The following CCDC63 variants were observed in gnomAD, a reference collection of about 807,000 sequenced individuals.
The protein encoded by CCDC63 is coiled-coil domain containing 63.
Under a neutral mutation model 63.6 loss-of-function variants are expected in CCDC63, and 54 were observed. The observed-to-expected ratio is 0.85, with a 90% CI of 0.68 to 1.07. CCDC63 has a LOEUF of 1.07. CCDC63 is among the 50% of genes least tolerant of loss of function. The pLI is 0.00. For synonymous variants in CCDC63, 253 were observed against 266.1 expected, an observed-to-expected ratio of 0.95 and a Z score of 0.48; for missense variants, 637 against 689.6, an observed-to-expected ratio of 0.92 and a Z score of 0.86.
intron 10 of CCDC63, among the ~76,000 whole-genome samples, chr12:110,902,483 C>T (rs2071500789): frequency 6.6e-6 from 1 of 152,132 alleles, no homozygotes; most frequent in African/African-American, 2.4e-5. Context: ...GTCCCATGCC[C>T]AGTTCCTCCA....
intron 8 of CCDC63, among the ~76,000 whole-genome samples, chr12:110,886,503 G>A (rs1226200195): frequency 6.6e-6 from 1 of 152,222 alleles, no homozygotes. Context: ...AAATTAAGAA[G>A]GGAGCATGCG....
chr12:110,890,767 C>CCTTTT (rs1397729543), intron 8 of CCDC63, among the ~76,000 whole-genome samples: 1 of 144,776 alleles, frequency 6.9e-6, no homozygotes, highest in Non-Finnish European at 1.5e-5. Context: ...TTTTTTTCCT[C>CCTTTT]CTTTTCTTTT....
chr12:110,884,007 G>A, intron 7 of CCDC63, 23 bp from the exon 8 acceptor site: 1 of 1,594,084 alleles, frequency 6.3e-7, no homozygotes, highest in Non-Finnish European at 8.6e-7. Context: ...GAGTGTCACA[G>A]TGGCTGATTT....
intron 1 of CCDC63, among the ~76,000 whole-genome samples, chr12:110,851,136 T>G (rs2070699966): frequency 6.6e-6 from 1 of 152,220 alleles, no homozygotes; most frequent in Admixed American, 6.5e-5. Flanking sequence ...ACTTCAGGTA[T>G]GAGAACTCAT....
At position 110,881,222 on chromosome 12, in the gene CCDC63, G is replaced by A. The variant is rs757390491; in HGVS notation, c.779G>A (p.Ser260Asn). 3.1e-6 allele frequency: 5 copies of A among 1,613,882 alleles called. No homozygotes were observed. The highest frequency in any genetic ancestry group is 2.2e-5 in the East Asian group (1 of 44,866). The change falls in exon 7 of 12, where the codon AGC (serine) becomes AAC (asparagine). Residue 260 changes from serine to asparagine, a missense_variant. Ser to Asn is a conservative substitution (Grantham distance 46). Transcript: ENST00000308208. Reference sequence around the variant, plus strand: ...CTGGAGCGTCTCTATGCCCATGAGAGCAAGCTCAAGTCCTTCCTGCTCGTC... The same window carrying A: ...CTGGAGCGTCTCTATGCCCATGAGAACAAGCTCAAGTCCTTCCTGCTCGTC... ...RELERLYAHE[S>N]KLKSFLLVKL...
intron 8 of CCDC63, among the ~76,000 whole-genome samples, chr12:110,892,048 A>T (rs1037912927): frequency 2.6e-5 from 4 of 152,102 alleles, no homozygotes; most frequent in African/African-American, 9.7e-5. Context: ...ACTTGTTAGA[A>T]ATGTACATTC....
At chr12:110,887,410 G>A (rs1350811459) in intron 8 of CCDC63, among the ~76,000 whole-genome samples, 2 of 151,958 alleles carry the variant, frequency 1.3e-5, no homozygotes, top group Non-Finnish European at 2.9e-5. Context: ...ACAGGGATGA[G>A]CCACCACGCC....
At chr12:110,845,014 G>A (rs114382039), upstream of CCDC63, among the ~76,000 whole-genome samples, 346 of 152,198 alleles carry the variant, frequency 2.3e-3, 2 homozygotes, top group African/African-American at 8.0e-3. Flanking sequence ...CTGGCTCATC[G>A]CTTTGGCAAG....
At position 110,880,088 on chromosome 12, in the gene CCDC63, G is replaced by A. The variant is rs748416806; in HGVS notation, c.671+1G>A. 3 of 1,613,628 alleles carry A rather than the reference G, an allele frequency of 1.9e-6. No homozygotes were observed. The South Asian group carries it at 3.3e-5, about 18-fold the overall frequency. On this transcript the variant is annotated splice_donor_variant, in intron 6 of 11. Coordinates refer to ENST00000308208, the MANE Select transcript of CCDC63 (RefSeq NM_152591.3). LOFTEE classifies it high-confidence loss of function. ...AATCTTCTCAGGCCTATGAGCAGAG[G>A]TGGGCTGGGGATAGGTCCAGGGGCA... is the stretch of plus-strand genomic sequence containing the variant.
At chr12:110,898,441 C>T (rs1238687378) in intron 9 of CCDC63, among the ~76,000 whole-genome samples, 2 of 132,972 alleles carry the variant, frequency 1.5e-5, no homozygotes, top group African/African-American at 2.8e-5. Context: ...TGCGTCTCTA[C>T]TAAAAATACA....
intron 4 of CCDC63, among the ~76,000 whole-genome samples, chr12:110,868,659 G>A (rs936176033): frequency 6.7e-6 from 1 of 150,082 alleles, no homozygotes; most frequent in African/African-American, 2.5e-5. Context: ...GCAGTGAGCC[G>A]AGATGGCAGC....
At chr12:110,851,498 G>A (rs968374881) in intron 1 of CCDC63, among the ~76,000 whole-genome samples, 5 of 152,078 alleles carry the variant, frequency 3.3e-5, no homozygotes, top group Admixed American at 1.3e-4. Flanking sequence ...ATCCACCCCC[G>A]AAGAAATCCC....
chr12:110,859,455 C>T lies in CCDC63; in HGVS notation c.369+680C>T, dbSNP rs191327681. ...CTGAGTAGCTGGGATTACAGGCGTG[C>T]ACCACCATGCTGGCTAATTTTTGTA... is the stretch of plus-strand genomic sequence containing the variant. On this transcript the variant is annotated intron_variant, in intron 4 of 11. Transcript: ENST00000308208. Among the ~76,000 whole-genome samples the T allele has an allele frequency of 1.8e-3, 269 of 152,132 alleles. 2 individuals carry two copies. The highest frequency in any genetic ancestry group is 3.2e-3 in the Non-Finnish European group (216 of 67,976).
intron 9 of CCDC63, among the ~76,000 whole-genome samples, chr12:110,896,950 ATGCATTTCTAACAAGTTCCCAGG>A (rs1413349660): frequency 2.0e-4 from 30 of 152,314 alleles, no homozygotes; most frequent in Middle Eastern, 3.4e-3. Context: ...GGCCAAGAAT[ATGCATTTCTAACAAGTTCCCAGG>A]TGAAGCTGAT....
At chr12:110,868,673 A>C (rs931756449) in intron 4 of CCDC63, among the ~76,000 whole-genome samples, 1 of 147,044 alleles carries the variant, frequency 6.8e-6, no homozygotes, top group Non-Finnish European at 1.5e-5. Context: ...TGGCAGCAGT[A>C]CAGTCCAGCT....
chr12:110,883,036 A>ATTT (rs11350129), intron 7 of CCDC63, among the ~76,000 whole-genome samples: 76 of 137,908 alleles, frequency 5.5e-4, no homozygotes, highest in African/African-American at 1.4e-3. Flanking sequence ...CTAATTTTAA[A>ATTT]TTTTTTTTTT....
chr12:110,866,038 T>C (rs2070942741), intron 4 of CCDC63, among the ~76,000 whole-genome samples: 1 of 152,160 alleles, frequency 6.6e-6, no homozygotes, highest in African/African-American at 2.4e-5. Context: ...AGTGTAGTGG[T>C]GCATCCTCAG....
Position 110,898,857 on chromosome 12 carries a change from C to T in CCDC63, c.1150-76C>T, listed in dbSNP as rs887219250. 6.4e-6 allele frequency: 8 copies of T among 1,248,684 alleles called. No homozygotes were observed. The African/African-American group carries it at 9.2e-5, about 14-fold the overall frequency. The allele number at this position is 1,248,684 out of a possible 1,614,324, so 77.4% of individuals were successfully genotyped here. On this transcript the variant is annotated intron_variant, in intron 9 of 11. Coordinates refer to ENST00000308208, the MANE Select transcript of CCDC63 (RefSeq NM_152591.3). The stretch of plus-strand genomic sequence containing the variant: ...TTTGAAAACCCGCAGTTTGGAGACC[C>T]TGACCCCAGAGGGTCCCAAACACCC...
intron 1 of CCDC63, among the ~76,000 whole-genome samples, chr12:110,847,461 G>A (rs2070652041): frequency 6.6e-6 from 1 of 151,890 alleles, no homozygotes; most frequent in African/African-American, 2.4e-5. Context: ...GGCTGAAGGG[G>A]GAGGATCGCT....
Sources: allele counts gnomAD v4.1 joint callset (sites outside exome capture counted in the v4.1 genomes callset), GRCh38; gene constraint gnomAD v4.1.1; transcripts MANE v1.5; gene names NCBI Gene and HGNC (gene_info 2026-07-23, HGNC 2026-07-21).